XKR9: variants seen among roughly 807,000 people sequenced by gnomAD.
The protein encoded by XKR9 is XK-related protein 9.
In XKR9, 32 loss-of-function variants were observed where a neutral mutation model predicts 32.0. The ratio of observed to expected loss-of-function variants is 1.00; its 90% CI spans 0.76 to 1.34. The LOEUF (loss-of-function observed/expected upper bound fraction) is 1.34. Ranked by LOEUF, XKR9 falls within the 40% of genes most tolerant of loss-of-function variation. The pLI, the probability that XKR9 is intolerant of heterozygous loss-of-function variation, is 0.00. For synonymous variants in XKR9, 168 were observed against 143.4 expected, an observed-to-expected ratio of 1.17 and a Z score of -1.22; for missense variants, 546 against 429.7, an observed-to-expected ratio of 1.27 and a Z score of -2.39.
At chr8:70,701,249 G>A (rs567597955) in intron 3 of XKR9, among the ~76,000 whole-genome samples, 3 of 152,274 alleles carry the variant, frequency 2.0e-5, no homozygotes, top group East Asian at 1.9e-4. Flanking sequence ...TACCTCAGAC[G>A]GAAATGCAGA....
chr8:70,734,417 T>C lies in XKR9; in HGVS notation c.1115T>C (p.Met372Thr). The C allele has an allele frequency of 6.4e-7, 1 of 1,557,720 alleles. No homozygotes were observed. Among genetic ancestry groups the C allele is most frequent in the Non-Finnish European group, 8.6e-7 (1 of 1,163,230 alleles). The stretch of plus-strand genomic sequence containing the variant: ...GAATGTAGAATGAGATATTTCCTAA[T>C]GGAATAAGCTATTCATTTATGATAT... Reference protein sequence around the residue: ...LRECRMRYFLME With the variant: ...LRECRMRYFLTE The change falls in exon 5 of 5, where the codon ATG (methionine) becomes ACG (threonine). Residue 372 changes from methionine (M) to threonine (T), a missense_variant. Met to Thr is a moderately conservative substitution (Grantham distance 81). Transcript: ENST00000408926.
the XKR9 span, among the ~76,000 whole-genome samples, chr8:70,894,520 G>T: frequency 6.6e-6 from 1 of 152,118 alleles, no homozygotes; most frequent in Non-Finnish European, 1.5e-5. Context: ...GCTCAGCCAT[G>T]ATACCAATTC....
At chr8:70,709,969 C>T (rs1028311939) in intron 4 of XKR9, among the ~76,000 whole-genome samples, 1 of 152,022 alleles carries the variant, frequency 6.6e-6, no homozygotes, top group Non-Finnish European at 1.5e-5. Context: ...AACCAAAAGA[C>T]CCCAAATAGC....
At chr8:70,744,120 G>A (rs536934211) in intron 2 of XKR9, among the ~76,000 whole-genome samples, 5 of 152,022 alleles carry the variant, frequency 3.3e-5, no homozygotes, top group African/African-American at 9.6e-5. Context: ...AGACCACTCT[G>A]GTCAACATGA....
chr8:70,858,972 A>G, the XKR9 span, among the ~76,000 whole-genome samples: 3 of 152,264 alleles, frequency 2.0e-5, no homozygotes, highest in African/African-American at 7.2e-5. Context: ...AAGACCTCAA[A>G]AACACAGGCA....
intron 2 of XKR9, among the ~76,000 whole-genome samples, chr8:70,787,197 T>C (rs1240920335): frequency 6.6e-6 from 1 of 152,172 alleles, no homozygotes; most frequent in East Asian, 1.9e-4. Context: ...ATGCTTTCAC[T>C]GAAAACAAAT....
At chr8:70,747,388 C>T (rs538167713) in intron 2 of XKR9, among the ~76,000 whole-genome samples, 2 of 152,104 alleles carry the variant, frequency 1.3e-5, no homozygotes, top group Non-Finnish European at 2.9e-5. Context: ...ATGAATTTAT[C>T]CATTCATAGA....
chr8:70,764,521 T>C (rs1376439407), intron 2 of XKR9, among the ~76,000 whole-genome samples: 1 of 152,170 alleles, frequency 6.6e-6, no homozygotes, highest in Non-Finnish European at 1.5e-5. Context: ...TTCTTCTATA[T>C]GAAAGTCTAT....
At chr8:70,880,520 G>A in the XKR9 span, among the ~76,000 whole-genome samples, 1 of 151,894 alleles carries the variant, frequency 6.6e-6, no homozygotes. Context: ...CTCCCATTCA[G>A]AATTGCTACA....
the XKR9 span, among the ~76,000 whole-genome samples, chr8:71,006,482 G>A: frequency 2.6e-5 from 4 of 152,298 alleles, no homozygotes; most frequent in East Asian, 1.9e-4. Flanking sequence ...CAATGGTAGT[G>A]GATAGCTTGT....
intron 2 of XKR9, among the ~76,000 whole-genome samples, chr8:70,679,487 C>T (rs542576008): frequency 2.8e-4 from 42 of 152,264 alleles, no homozygotes; most frequent in African/African-American, 9.9e-4. Context: ...TAGGGACACA[C>T]AGCTAGTAGG....
chr8:70,852,634 T>G, the XKR9 span, among the ~76,000 whole-genome samples: 1 of 152,020 alleles, frequency 6.6e-6, no homozygotes, highest in South Asian at 2.1e-4. Flanking sequence ...TAAAGAAAAA[T>G]GTGGCATATA....
chr8:70,835,292 C>T, the XKR9 span, among the ~76,000 whole-genome samples: 1 of 152,052 alleles, frequency 6.6e-6, no homozygotes, highest in Admixed American at 6.6e-5. Context: ...AAATATAATT[C>T]AAATAAAGCT....
chr8:70,691,838 G>A (rs1399571707), intron 3 of XKR9, among the ~76,000 whole-genome samples: 5 of 151,982 alleles, frequency 3.3e-5, no homozygotes, highest in African/African-American at 7.2e-5. Context: ...GTTTGGAGTC[G>A]AATAACATGA....
the XKR9 span, among the ~76,000 whole-genome samples, chr8:70,837,719 G>A: frequency 1.3e-5 from 2 of 152,058 alleles, no homozygotes; most frequent in African/African-American, 4.8e-5. Context: ...TTTAATTATT[G>A]TTACTCTTGG....
chr8:70,713,499 G>C (rs1472915016), intron 4 of XKR9, among the ~76,000 whole-genome samples: 1 of 152,098 alleles, frequency 6.6e-6, no homozygotes, highest in Non-Finnish European at 1.5e-5. Context: ...CCCACCAGAG[G>C]AAATTCCAAA....
chr8:70,845,960 G>A, the XKR9 span, among the ~76,000 whole-genome samples: 3 of 151,978 alleles, frequency 2.0e-5, no homozygotes, highest in Non-Finnish European at 2.9e-5. Flanking sequence ...ACAGATCCCC[G>A]AGTAGATACA....
chr8:71,023,779 C>T, the XKR9 span, among the ~76,000 whole-genome samples: 3 of 152,092 alleles, frequency 2.0e-5, no homozygotes, highest in African/African-American at 4.8e-5. Flanking sequence ...CTCCCAAGCC[C>T]CCATGTGATG....
At chr8:70,922,359 G>A in the XKR9 span, among the ~76,000 whole-genome samples, 1 of 152,162 alleles carries the variant, frequency 6.6e-6, no homozygotes, top group Non-Finnish European at 1.5e-5. Flanking sequence ...GAGCTCCAGA[G>A]GATGTTATCA....
Sources: gnomAD v4.1 joint callset for allele counts (sites outside exome capture counted in the v4.1 genomes callset) on GRCh38, gnomAD v4.1.1 for gene constraint, MANE v1.5 for transcripts, NCBI Gene and HGNC (gene_info 2026-07-23, HGNC 2026-07-21) for gene names.